NEAT1: variants seen among roughly 807,000 people sequenced by gnomAD.
NEAT1 encodes the protein nuclear paraspeckle assembly transcript 1, also known as MENepsilon/beta.
At chr11:65,435,066 G>C (rs1255408228) in exon 1 of NEAT1, 2 of 152,180 alleles carry the variant, frequency 1.3e-5, no homozygotes, top group African/African-American at 4.8e-5. Flanking sequence ...TCTGCACCCA[G>C]GTCACACTGT....
exon 1 of NEAT1, chr11:65,429,488 G>T (rs1336229638): frequency 9.9e-6 from 1 of 101,382 alleles, no homozygotes; most frequent in Non-Finnish European, 2.3e-5. Context: ...TGTGGTGTGT[G>T]TGTGTGTGCG....
At chr11:65,438,814 C>T (rs1258958870) in exon 1 of NEAT1, 1 of 152,140 alleles carries the variant, frequency 6.6e-6, no homozygotes, top group Non-Finnish European at 1.5e-5. Flanking sequence ...TGGATTATTT[C>T]TGGTTTTTGG....
At chr11:65,429,688 T>A (rs1856597301) in exon 1 of NEAT1, 1 of 152,218 alleles carries the variant, frequency 6.6e-6, no homozygotes, top group South Asian at 2.1e-4. Context: ...ACGATTTTCT[T>A]AGGTTAGTTT....
At chr11:65,429,222 T>C (rs1180070085) in exon 1 of NEAT1, 1 of 152,210 alleles carries the variant, frequency 6.6e-6, no homozygotes. Flanking sequence ...AATACATACA[T>C]TTCGAGAAGG....
exon 1 of NEAT1, chr11:65,425,338 G>A (rs1020605348): frequency 6.6e-6 from 1 of 152,154 alleles, no homozygotes; most frequent in Admixed American, 6.5e-5. Flanking sequence ...CCATCTCACA[G>A]GCAGGGGAAA....
At chr11:65,431,782 C>G (rs1315800500) in exon 1 of NEAT1, 1 of 152,120 alleles carries the variant, frequency 6.6e-6, no homozygotes, top group Non-Finnish European at 1.5e-5. Flanking sequence ...TTGTTGTTGA[C>G]TTGTAGGAGT....
chr11:65,425,895 G>A (rs1856556366), exon 1 of NEAT1: 1 of 152,136 alleles, frequency 6.6e-6, no homozygotes, highest in Admixed American at 6.6e-5. Context: ...CAGAATCCAT[G>A]TACCTTTGCT....
exon 1 of NEAT1, chr11:65,441,524 ATAAGT>A (rs1856714661): frequency 6.6e-6 from 1 of 152,166 alleles, no homozygotes; most frequent in Admixed American, 6.5e-5. Context: ...CTATTTCATT[ATAAGT>A]CAGTTTTTCA....
chr11:65,432,639 A>T (rs1371712780), exon 1 of NEAT1: 1 of 150,866 alleles, frequency 6.6e-6, no homozygotes. Context: ...AGTCAATATT[A>T]ACTTCTTATA....
chr11:65,439,667 G>GT (rs1163699468), exon 1 of NEAT1: 1 of 144,316 alleles, frequency 6.9e-6, no homozygotes, highest in Admixed American at 7.4e-5. Context: ...ATGAGACTTT[G>GT]TTTAAAAAAA....
exon 1 of NEAT1, chr11:65,427,689 T>C (rs1226666693): frequency 1.3e-5 from 2 of 152,160 alleles, no homozygotes. Context: ...CCAGAAACAA[T>C]CCAGGCCTCC....
exon 1 of NEAT1, chr11:65,438,994 T>C (rs1856690368): frequency 6.6e-6 from 1 of 152,204 alleles, no homozygotes; most frequent in Non-Finnish European, 1.5e-5. Context: ...CATTTCACAT[T>C]CCCACCAGTA....
At chr11:65,429,512 G>GTA (rs1206981530) in exon 1 of NEAT1, 1 of 151,494 alleles carries the variant, frequency 6.6e-6, no homozygotes, top group Non-Finnish European at 1.5e-5. Flanking sequence ...GTGTGTGTGT[G>GTA]TGTGTGTATG....
At chr11:65,441,966 T>C (rs1438873228) in exon 1 of NEAT1, 1 of 152,228 alleles carries the variant, frequency 6.6e-6, no homozygotes, top group African/African-American at 2.4e-5. Flanking sequence ...GCCACGCTGG[T>C]TCCTCAATTG....
chr11:65,437,267 G>T (rs1856670759), exon 1 of NEAT1: 1 of 140,308 alleles, frequency 7.1e-6, no homozygotes. Context: ...TTTCTTTTAT[G>T]GTTCCTGGAT....
exon 1 of NEAT1, chr11:65,430,741 A>T (rs1274637535): frequency 1.3e-5 from 2 of 152,156 alleles, no homozygotes; most frequent in African/African-American, 4.8e-5. Flanking sequence ...GGCAGTGAGC[A>T]CTTATGGTTT....
chr11:65,428,924 A>G (rs911812540), exon 1 of NEAT1: 2 of 152,176 alleles, frequency 1.3e-5, no homozygotes, highest in Admixed American at 6.5e-5. Context: ...TGTTATGGGC[A>G]CATTTGCTTT....
chr11:65,434,363 C>T (rs765787432), exon 1 of NEAT1: 4 of 152,122 alleles, frequency 2.6e-5, no homozygotes, highest in Admixed American at 6.5e-5. Flanking sequence ...TGCTACACCT[C>T]GCCTTATTCA....
chr11:65,432,283 T>C (rs1011855320), exon 1 of NEAT1: 2 of 152,214 alleles, frequency 1.3e-5, no homozygotes, highest in Admixed American at 6.5e-5. Flanking sequence ...GAAATTCTCA[T>C]ATTGACCTTT....
Sources: gnomAD v4.1 joint callset for allele counts on GRCh38, gnomAD v4.1.1 for gene constraint, MANE v1.5 for transcripts, NCBI Gene and HGNC (gene_info 2026-07-23, HGNC 2026-07-21) for gene names.